The following NRXN3 variants were observed in gnomAD, a reference collection of about 807,000 sequenced individuals.
The protein encoded by NRXN3 is neurexin 3, also known as neurexin III.
A neutral mutation model predicts 137.6 loss-of-function variants in NRXN3; 32 were observed. The observed-to-expected ratio is 0.23, with a 90% confidence interval of 0.18 to 0.31. The LOEUF (loss-of-function observed/expected upper bound fraction) is 0.31. NRXN3 is among the 10% of genes least tolerant of loss of function. The pLI, the probability that NRXN3 is intolerant of heterozygous loss-of-function variation, is 1.00. For synonymous variants in NRXN3, 798 were observed against 784.5 expected, an observed-to-expected ratio of 1.02 and a Z score of -0.29; for missense variants, 1,574 against 2,062.5, an observed-to-expected ratio of 0.76 and a Z score of 4.59.
intron 15 of NRXN3, among the ~76,000 whole-genome samples, chr14:79,188,761 A>G (rs1423971544): frequency 2.0e-5 from 3 of 152,250 alleles, no homozygotes; most frequent in Admixed American, 1.3e-4. Flanking sequence ...GAAGACATTT[A>G]TGCAGCCAAA....
At chr14:79,645,230 CT>C (rs535272342) in intron 16 of NRXN3, among the ~76,000 whole-genome samples, 11 of 135,442 alleles carry the variant, frequency 8.1e-5, no homozygotes, top group African/African-American at 2.7e-4. Flanking sequence ...GTATTCCATT[CT>C]TCCTTAAAAT....
Position 79,503,182 on chromosome 14 carries a change from A to G in NRXN3, c.3444+35780A>G, listed in dbSNP as rs568994145. Among the ~76,000 whole-genome samples the G allele has an allele frequency of 4.0e-5, 6 of 151,816 alleles. No individual in the cohort carries two copies. The South Asian group carries it at 8.3e-4, about 21-fold the overall frequency. ...TCTGTGTTTTATTATATCTAGTTTAATTTTTCCCCTTTGTTGATTTCTGTT... is the reference window on the plus strand; with the variant it reads ...TCTGTGTTTTATTATATCTAGTTTAGTTTTTCCCCTTTGTTGATTTCTGTT... On this transcript the variant is annotated intron_variant, in intron 16 of 20. Transcript: ENST00000335750.
intron 15 of NRXN3, chr14:79,200,958 T>C (rs1464309908): frequency 6.6e-6 from 1 of 151,800 alleles, no homozygotes; most frequent in Non-Finnish European, 1.5e-5. Flanking sequence ...ATAAGATTTT[T>C]CCTCTCTAGC....
At chr14:79,078,711 T>C (rs1350525187) in intron 15 of NRXN3, among the ~76,000 whole-genome samples, 1 of 152,220 alleles carries the variant, frequency 6.6e-6, no homozygotes, top group East Asian at 1.9e-4. Context: ...TAATTTTATT[T>C]ACACCAACAC....
intron 2 of NRXN3, among the ~76,000 whole-genome samples, chr14:78,272,063 T>A (rs1460457065): frequency 6.6e-6 from 1 of 152,158 alleles, no homozygotes; most frequent in African/African-American, 2.4e-5. Flanking sequence ...AATAGGCCAC[T>A]GGGGAGGTGC....
At chr14:79,485,519 G>T (rs2096647607) in intron 16 of NRXN3, among the ~76,000 whole-genome samples, 1 of 152,086 alleles carries the variant, frequency 6.6e-6, no homozygotes, top group African/African-American at 2.4e-5. Flanking sequence ...TGCTTTGGCA[G>T]ACTTTATAAA....
chr14:78,509,670 C>G (rs2096065953), intron 4 of NRXN3, among the ~76,000 whole-genome samples: 1 of 152,088 alleles, frequency 6.6e-6, no homozygotes, highest in Non-Finnish European at 1.5e-5. Context: ...TCCAGAGGGA[C>G]CTGCAGCAAT....
chr14:78,916,361 C>T (rs900186458), intron 10 of NRXN3, among the ~76,000 whole-genome samples: 1 of 152,118 alleles, frequency 6.6e-6, no homozygotes, highest in African/African-American at 2.4e-5. Flanking sequence ...AAGAAATAAA[C>T]CAAGACAGTT....
intron 15 of NRXN3, among the ~76,000 whole-genome samples, chr14:79,261,260 A>T (rs1269123651): frequency 1.3e-5 from 2 of 152,222 alleles, no homozygotes; most frequent in African/African-American, 4.8e-5. Flanking sequence ...TCAATTCAAC[A>T]TACTTTGTTG....
intron 15 of NRXN3, among the ~76,000 whole-genome samples, chr14:79,347,238 T>A (rs1355190852): frequency 1.3e-5 from 2 of 152,238 alleles, no homozygotes; most frequent in Admixed American, 6.5e-5. Context: ...GGTTTTTTTT[T>A]AATTTGGAGA....
Position 78,567,919 on chromosome 14 carries a change from G to A in NRXN3, c.758-77201G>A, listed in dbSNP as rs78353280. On this transcript the variant is annotated intron_variant, in intron 4 of 20. Coordinates refer to ENST00000335750, the MANE Select transcript of NRXN3 (RefSeq NM_001330195.2). ...TCCTGAGCCCTTTTCCACTTTCATCGTGTTTCCATCTCCATCATTCCTTTC... is the reference window on the plus strand; with the variant it reads ...TCCTGAGCCCTTTTCCACTTTCATCATGTTTCCATCTCCATCATTCCTTTC... Among the ~76,000 whole-genome samples, 495 of 152,158 alleles carry A rather than the reference G, an allele frequency of 3.3e-3. 3 individuals are homozygous for A. Among genetic ancestry groups the A allele is most frequent in the African/African-American group, 0.011 (457 of 41,490 alleles).
chr14:79,412,626 A>G (rs867385838), intron 15 of NRXN3, among the ~76,000 whole-genome samples: 1 of 151,380 alleles, frequency 6.6e-6, no homozygotes, highest in South Asian at 2.1e-4. Context: ...AAAAAAAAAT[A>G]CAAAAAAGTA....
chr14:78,414,528 T>C (rs1478234949), intron 4 of NRXN3, among the ~76,000 whole-genome samples: 1 of 152,180 alleles, frequency 6.6e-6, no homozygotes, highest in African/African-American at 2.4e-5. Flanking sequence ...GGCTTCAACC[T>C]CATAGAATAA....
In NRXN3 at chr14:79,536,444, T is replaced by G. The variant is rs540655151; in HGVS notation, c.3444+69042T>G. ...AACATTTTTTTTTTAATATTCCCTT[T>G]TTTTATTAATTATTTTTTTTTTAAT... On this transcript the variant is annotated intron_variant, in intron 16 of 20. Transcript: ENST00000335750. Among the ~76,000 whole-genome samples, 290 of 152,166 alleles carry G rather than the reference T, an allele frequency of 1.9e-3. 6 individuals carry two copies. Among genetic ancestry groups the G allele is most frequent in the Middle Eastern group, 0.014 (4 of 294 alleles).
chr14:79,068,191 T>G lies in NRXN3; in HGVS notation c.3262+80050T>G, dbSNP rs895678447. Among the ~76,000 whole-genome samples, 16 of 152,244 alleles carry G rather than the reference T, an allele frequency of 1.1e-4. 1 individual carries two copies. The highest frequency in any genetic ancestry group is 1.6e-4 in the Non-Finnish European group (11 of 67,962). Reference sequence around the variant, plus strand: ...CGATTCTCAGAGGCAGGTATTTCATTGTACAAGGTGCAATAATTATGGAGT... The same window carrying G: ...CGATTCTCAGAGGCAGGTATTTCATGGTACAAGGTGCAATAATTATGGAGT... On this transcript the variant is annotated intron_variant, in intron 15 of 20. Transcript: ENST00000335750.
intron 15 of NRXN3, among the ~76,000 whole-genome samples, chr14:79,317,046 C>T (rs922674492): frequency 3.9e-5 from 6 of 151,924 alleles, no homozygotes; most frequent in Non-Finnish European, 8.8e-5. Context: ...GCCTGGCTGA[C>T]GTGGTGAAAC....
intron 10 of NRXN3, among the ~76,000 whole-genome samples, chr14:78,931,416 C>G (rs2099321537): frequency 6.6e-6 from 1 of 152,024 alleles, no homozygotes; most frequent in African/African-American, 2.4e-5. Context: ...AAAATAAAAA[C>G]AAGGACATAA....
chr14:79,756,226 A>G (rs1369026983), intron 19 of NRXN3, among the ~76,000 whole-genome samples: 2 of 152,162 alleles, frequency 1.3e-5, no homozygotes, highest in African/African-American at 4.8e-5. Flanking sequence ...TCCTCACAAA[A>G]TATAGAAGTG....
chr14:79,159,600 C>T (rs2370929), intron 15 of NRXN3, among the ~76,000 whole-genome samples: 69,191 of 151,608 alleles, frequency 0.46, 18,058 homozygotes, highest in East Asian at 0.61. Context: ...CATTTTATCC[C>T]TTCCTAAAAA....
Sources: gnomAD v4.1 joint callset for allele counts (sites outside exome capture counted in the v4.1 genomes callset) on GRCh38, gnomAD v4.1.1 for gene constraint, MANE v1.5 for transcripts, NCBI Gene and HGNC (gene_info 2026-07-23, HGNC 2026-07-21) for gene names.